Variants in RAP1GAP2 observed in about 807,000 individuals in gnomAD.
The protein encoded by RAP1GAP2 is RAP1 GTPase activating protein 2.
A neutral mutation model predicts 95.0 loss-of-function variants in RAP1GAP2; 27 were observed. That is an observed-to-expected ratio of 0.28 (90% CI 0.21 to 0.39). The LOEUF (loss-of-function observed/expected upper bound fraction) is 0.39, where lower values mean the gene tolerates loss of function less well. Among genes scored for constraint, RAP1GAP2 ranks in the 10% least tolerant of loss-of-function variants. RAP1GAP2 has a pLI of 1.00. For synonymous variants in RAP1GAP2, 373 were observed against 380.9 expected, an observed-to-expected ratio of 0.98 and a Z score of 0.24; for missense variants, 771 against 970.0, an observed-to-expected ratio of 0.79 and a Z score of 2.72.
intron 16 of RAP1GAP2, among the ~76,000 whole-genome samples, chr17:3,007,162 C>T (rs948938693): frequency 5.9e-5 from 9 of 152,012 alleles, no homozygotes; most frequent in African/African-American, 1.7e-4. Context: ...GAAGGACCCA[C>T]GGGGGCTGGA....
chr17:2,985,349 G>A (rs2045517428), intron 11 of RAP1GAP2, among the ~76,000 whole-genome samples: 1 of 151,872 alleles, frequency 6.6e-6, no homozygotes, highest in Non-Finnish European at 1.5e-5. Flanking sequence ...TTTATGGGCT[G>A]CTGGTTATAA....
chr17:2,838,016 CTTTTTTTTTTT>C (rs71153304), intron 2 of RAP1GAP2, among the ~76,000 whole-genome samples: 3 of 94,442 alleles, frequency 3.2e-5, no homozygotes, highest in African/African-American at 4.4e-5. Flanking sequence ...TTCTTTTTTC[CTTTTTTTTTTT>C]TTTTTTTTTG....
intron 18 of RAP1GAP2, among the ~76,000 whole-genome samples, chr17:3,019,829 G>T (rs894671): frequency 0.39 from 58,860 of 151,986 alleles, 11,973 homozygotes; most frequent in East Asian, 0.54. Flanking sequence ...GAGGCTTGGT[G>T]GCCTCTAGAG....
chr17:2,856,083 C>T (rs1334870573), intron 2 of RAP1GAP2, among the ~76,000 whole-genome samples: 6 of 152,210 alleles, frequency 3.9e-5, no homozygotes, highest in Non-Finnish European at 8.8e-5. Flanking sequence ...CTGAGTCCAT[C>T]TTCCCCTGGA....
intron 3 of RAP1GAP2, among the ~76,000 whole-genome samples, chr17:2,952,414 C>T (rs937439981): frequency 2.0e-5 from 3 of 152,202 alleles, no homozygotes; most frequent in African/African-American, 7.2e-5. Context: ...CTGGGACAAA[C>T]ATCCTTGTAC....
At chr17:2,927,431 G>A (rs1225355400) in intron 3 of RAP1GAP2, among the ~76,000 whole-genome samples, 1 of 152,204 alleles carries the variant, frequency 6.6e-6, no homozygotes, top group African/African-American at 2.4e-5. Flanking sequence ...GGGATTACAG[G>A]CGTGAGCCAC....
intron 8 of RAP1GAP2, 63 bp from the exon 9 acceptor site, chr17:2,980,224 C>A: frequency 6.6e-7 from 1 of 1,526,670 alleles, no homozygotes; most frequent in Non-Finnish European, 9.0e-7. Flanking sequence ...ATGACAGGCA[C>A]GAGTCCCCGC....
intron 2 of RAP1GAP2, among the ~76,000 whole-genome samples, chr17:2,901,137 C>T (rs552788274): frequency 7.9e-5 from 12 of 152,296 alleles, no homozygotes; most frequent in African/African-American, 1.9e-4. Context: ...CTGGCTAGGA[C>T]GCGTCCTGGT....
chr17:2,841,430 A>C (rs2071368549), intron 2 of RAP1GAP2, among the ~76,000 whole-genome samples: 1 of 150,352 alleles, frequency 6.7e-6, no homozygotes, highest in Admixed American at 6.7e-5. Context: ...CAGCCTCCTG[A>C]GTAGCTGGGA....
chr17:2,968,313 C>T (rs2151502681), intron 8 of RAP1GAP2, among the ~76,000 whole-genome samples: 1 of 152,050 alleles, frequency 6.6e-6, no homozygotes, highest in East Asian at 1.9e-4. Context: ...GTAGAAAATC[C>T]AGTTATTAAT....
At chr17:2,941,206 A>C (rs2043484139) in intron 3 of RAP1GAP2, among the ~76,000 whole-genome samples, 1 of 152,200 alleles carries the variant, frequency 6.6e-6, no homozygotes, top group Admixed American at 6.5e-5. Flanking sequence ...GTCTGAGACC[A>C]GCCTGGCCAA....
chr17:2,791,539 G>A (rs2068923838), upstream of RAP1GAP2, among the ~76,000 whole-genome samples: 1 of 152,192 alleles, frequency 6.6e-6, no homozygotes, highest in African/African-American at 2.4e-5. Flanking sequence ...CAGAATTAGT[G>A]GGGCTGATAA....
intron 2 of RAP1GAP2, among the ~76,000 whole-genome samples, chr17:2,853,125 A>G (rs1406475675): frequency 1.3e-5 from 2 of 152,050 alleles, no homozygotes; most frequent in East Asian, 3.9e-4. Flanking sequence ...AGCCGACCCC[A>G]GCCCACTCTG....
At chr17:2,996,934 A>G (rs1160002995) in intron 13 of RAP1GAP2, among the ~76,000 whole-genome samples, 1 of 152,204 alleles carries the variant, frequency 6.6e-6, no homozygotes, top group African/African-American at 2.4e-5. Flanking sequence ...AAAGGAACAA[A>G]TGCATAGACA....
chr17:2,826,095 C>T (rs2070543789), intron 2 of RAP1GAP2, among the ~76,000 whole-genome samples: 1 of 150,756 alleles, frequency 6.6e-6, no homozygotes, highest in Admixed American at 6.6e-5. Flanking sequence ...ATTCTGCTGC[C>T]TCAGCTTCCC....
chr17:2,890,989 G>A (rs1236515868), intron 2 of RAP1GAP2, among the ~76,000 whole-genome samples: 2 of 151,800 alleles, frequency 1.3e-5, no homozygotes, highest in Admixed American at 6.6e-5. Flanking sequence ...CCCGACCAAT[G>A]TTTACTTTTT....
rs1006980873 is a variant in RAP1GAP2 at position 3,008,711 on chromosome 17, C to G, written c.1494+566C>G. ...TAAAGGAAGCAGTGAGCTCCCTGTC[C>G]CTGGAAGTATTCAAGTGGAGCTCGG... On this transcript the variant is annotated intron_variant, in intron 17 of 24. Transcript: ENST00000254695. The surrounding 1 kb of genome is among the most constrained non-coding windows in gnomAD (Gnocchi z 4.2). Among the ~76,000 whole-genome samples the G allele has an allele frequency of 8.5e-5, 13 of 152,196 alleles. No homozygotes were observed. The highest frequency in any genetic ancestry group is 1.9e-4 in the Non-Finnish European group (13 of 68,050).
At chr17:2,818,144 T>C (rs2070114552) in intron 2 of RAP1GAP2, among the ~76,000 whole-genome samples, 2 of 151,864 alleles carry the variant, frequency 1.3e-5, no homozygotes, top group Admixed American at 1.3e-4. Flanking sequence ...CCTCTATGTT[T>C]AATTTTTTTA....
chr17:2,923,399 T>C (rs111275153), intron 3 of RAP1GAP2, among the ~76,000 whole-genome samples: 16 of 151,556 alleles, frequency 1.1e-4, no homozygotes, highest in African/African-American at 3.4e-4. Flanking sequence ...TGGTGCAATC[T>C]TGGCTCACTG....
Sources: gnomAD v4.1 joint callset for allele counts (sites outside exome capture counted in the v4.1 genomes callset) on GRCh38, gnomAD v4.1.1 for gene constraint, Gnocchi (gnomAD v3.1) non-coding constraint, MANE v1.5 for transcripts, NCBI Gene and HGNC (gene_info 2026-07-23, HGNC 2026-07-21) for gene names.